KIAA1328: variants seen among roughly 807,000 people sequenced by gnomAD.
The protein encoded by KIAA1328 is protein hinderin.
Under a neutral mutation model 68.1 loss-of-function variants are expected in KIAA1328, and 52 were observed. The observed-to-expected ratio is 0.76, with a 90% CI of 0.61 to 0.96. The LOEUF (loss-of-function observed/expected upper bound fraction) is 0.96. Among genes scored for constraint, KIAA1328 ranks in the 40% least tolerant of loss-of-function variants. The pLI is 0.00. For synonymous variants in KIAA1328, 232 were observed against 239.4 expected, an observed-to-expected ratio of 0.97 and a Z score of 0.28; for missense variants, 641 against 677.6, an observed-to-expected ratio of 0.95 and a Z score of 0.60.
At chr18:36,885,723 C>CTT (rs373925757) in intron 5 of KIAA1328, 51 bp downstream of exon 5, 275 of 984,242 alleles carry the variant, frequency 2.8e-4, no homozygotes, top group Middle Eastern at 5.3e-4. Context: ...TTGACTATTT[C>CTT]TTTTTTTTTT....
chr18:37,169,136 TTTTATTTATTTA>T (rs202034975), intron 8 of KIAA1328, among the ~76,000 whole-genome samples: 14 of 148,972 alleles, frequency 9.4e-5, no homozygotes, highest in South Asian at 2.1e-4. Context: ...CTTAACAGCA[TTTTATTTATTTA>T]TTTATTTATT....
intron 4 of KIAA1328, among the ~76,000 whole-genome samples, chr18:36,862,199 T>C (rs2047587218): frequency 6.6e-6 from 1 of 152,254 alleles, no homozygotes; most frequent in African/African-American, 2.4e-5. Flanking sequence ...CCATCAATTG[T>C]GTACAGATTT....
chr18:37,207,906 T>A (rs1234928827), intron 9 of KIAA1328, among the ~76,000 whole-genome samples: 1 of 152,106 alleles, frequency 6.6e-6, no homozygotes, highest in Admixed American at 6.6e-5. Flanking sequence ...GCCTCCTGGG[T>A]TCAAGCGATT....
intron 5 of KIAA1328, among the ~76,000 whole-genome samples, chr18:36,892,035 C>T (rs1406771108): frequency 3.3e-5 from 5 of 152,182 alleles, no homozygotes; most frequent in African/African-American, 1.2e-4. Context: ...TTGCAAATAA[C>T]AGTAATACGC....
chr18:36,927,430 A>G (rs909983882), intron 5 of KIAA1328, among the ~76,000 whole-genome samples: 6 of 152,142 alleles, frequency 3.9e-5, no homozygotes, highest in South Asian at 2.1e-4. Flanking sequence ...TTTCCTTGAT[A>G]TGATTATTTT....
chr18:37,081,970 A>G (rs1485559455), intron 7 of KIAA1328, among the ~76,000 whole-genome samples: 1 of 152,076 alleles, frequency 6.6e-6, no homozygotes, highest in Non-Finnish European at 1.5e-5. Flanking sequence ...TTGTTCTGTA[A>G]TTTAGTTTCA....
rs1051563090 is a variant in KIAA1328, at chr18:37,211,288, T to G, written c.1524-10729T>G. ...CCACTCACTTGCTCTGTGACTCCAT[T>G]TAGTTCACTTATACCTCTCTGGACC... On this transcript the variant is annotated intron_variant, in intron 9 of 9. Transcript: ENST00000280020. Among the ~76,000 whole-genome samples, 6 of 152,296 alleles carry G rather than the reference T, an allele frequency of 3.9e-5. No individual in the cohort carries two copies. In the East Asian group the frequency reaches 1.2e-3, roughly 29 times the overall value.
At chr18:36,997,470 T>C (rs2053435056) in intron 6 of KIAA1328, among the ~76,000 whole-genome samples, 1 of 152,104 alleles carries the variant, frequency 6.6e-6, no homozygotes, top group African/African-American at 2.4e-5. Flanking sequence ...ATCCTGGCTA[T>C]AGGAGAGCCC....
chr18:36,938,804 A>G (rs930218031), intron 5 of KIAA1328, among the ~76,000 whole-genome samples: 1 of 152,084 alleles, frequency 6.6e-6, no homozygotes, highest in Admixed American at 6.6e-5. Context: ...CTGCATGTGG[A>G]TATCCAGTAT....
intron 7 of KIAA1328, among the ~76,000 whole-genome samples, chr18:37,158,959 A>T (rs1205771099): frequency 1.3e-5 from 2 of 151,788 alleles, no homozygotes; most frequent in Admixed American, 6.6e-5. Context: ...TATTTTCCGT[A>T]TTTCCCTGTT....
chr18:37,001,949 C>G (rs573183883), intron 6 of KIAA1328, among the ~76,000 whole-genome samples: 3 of 152,172 alleles, frequency 2.0e-5, no homozygotes, highest in Non-Finnish European at 2.9e-5. Context: ...TGGAACAAAA[C>G]AAGGATGCCC....
rs926177586 is a variant in KIAA1328, at chr18:37,222,235, C to A, written c.*8C>A. 1.9e-6 allele frequency: 3 copies of A among 1,553,744 alleles called. No individual in the cohort carries two copies. The highest frequency in any genetic ancestry group is 8.7e-7 in the Non-Finnish European group (1 of 1,148,052). Reference sequence around the variant, plus strand: ...GATATATTTTTCATTTGACATATTGCAAAATTTTCTTAGGAAATTTGTGGG... The same window carrying A: ...GATATATTTTTCATTTGACATATTGAAAAATTTTCTTAGGAAATTTGTGGG... On this transcript the variant is annotated 3_prime_UTR_variant, in exon 10 of 10. Coordinates refer to ENST00000280020, the MANE Select transcript of KIAA1328 (RefSeq NM_020776.3).
intron 6 of KIAA1328, among the ~76,000 whole-genome samples, chr18:36,975,633 G>A (rs74345957): frequency 0.015 from 2,255 of 152,310 alleles, 23 homozygotes; most frequent in Non-Finnish European, 0.025. Context: ...GCTTCTACTT[G>A]TGGAGTTAAG....
At chr18:36,947,018 A>G (rs191280233) in intron 5 of KIAA1328, among the ~76,000 whole-genome samples, 7 of 152,230 alleles carry the variant, frequency 4.6e-5, no homozygotes, top group African/African-American at 1.4e-4. Context: ...CATTTCCACT[A>G]AGAAATGAAT....
At chr18:36,897,187 C>A (rs2151019734) in intron 5 of KIAA1328, among the ~76,000 whole-genome samples, 1 of 152,076 alleles carries the variant, frequency 6.6e-6, no homozygotes, top group African/African-American at 2.4e-5. Context: ...ATTATCTTTT[C>A]TTAATACAGA....
chr18:37,148,811 G>A (rs1288782043), intron 7 of KIAA1328, among the ~76,000 whole-genome samples: 1 of 151,972 alleles, frequency 6.6e-6, no homozygotes, highest in African/African-American at 2.4e-5. Flanking sequence ...TTTTTAATGG[G>A]GTTGTTTGTT....
chr18:37,158,236 G>A (rs990192038), intron 7 of KIAA1328, among the ~76,000 whole-genome samples: 1 of 152,072 alleles, frequency 6.6e-6, no homozygotes, highest in African/African-American at 2.4e-5. Flanking sequence ...ATGGGGTCTT[G>A]CTGTGATGCC....
intron 6 of KIAA1328, among the ~76,000 whole-genome samples, chr18:37,041,893 TGTTTA>T (rs2055266789): frequency 1.3e-5 from 2 of 152,130 alleles, no homozygotes; most frequent in Admixed American, 1.3e-4. Context: ...TTTTATGTTT[TGTTTA>T]TTTTATTTTT....
rs528821570 is a variant in KIAA1328 at position 37,095,779 on chromosome 18, C to G, written c.1232+28234C>G. ...AGACTAACTAAGGAAAAAAGAAGAC[C>G]CAAATAAATAAAATCAAAATGAAAA... is the stretch of plus-strand genomic sequence containing the variant. On this transcript the variant is annotated intron_variant, in intron 7 of 9. Coordinates refer to ENST00000280020, the MANE Select transcript of KIAA1328 (RefSeq NM_020776.3). 2.0e-4 allele frequency among the ~76,000 whole-genome samples: 30 copies of G among 151,962 alleles called. No individual in the cohort carries two copies. The South Asian group carries it at 6.2e-3, about 32-fold the overall frequency.
Sources: gnomAD v4.1 joint callset for allele counts (sites outside exome capture counted in the v4.1 genomes callset) on GRCh38, gnomAD v4.1.1 for gene constraint, MANE v1.5 for transcripts, NCBI Gene and HGNC (gene_info 2026-07-23, HGNC 2026-07-21) for gene names.